The following ZFHX3 variants were observed in gnomAD, a reference collection of about 807,000 sequenced individuals.
ZFHX3 encodes zinc finger homeobox 3, also known as zinc finger homeobox protein 3.
ZFHX3 carries 42 observed loss-of-function variants against 279.1 expected under a neutral mutation model. The ratio of observed to expected loss-of-function variants is 0.15; its 90% CI spans 0.12 to 0.19. The LOEUF is 0.19. Among genes scored for constraint, ZFHX3 ranks in the 10% least tolerant of loss-of-function variants. The pLI is 1.00. For missense variants in ZFHX3, 4,981 were observed against 4,754.0 expected (o/e 1.05, Z -1.40); for synonymous variants, 2,293 against 1,957.8 (o/e 1.17, Z -4.52).
chr16:73,269,065 T>C (rs2014067752), intron 4 of ZFHX3, among the ~76,000 whole-genome samples: 1 of 152,258 alleles, frequency 6.6e-6, no homozygotes. Flanking sequence ...TTTAGCCTCA[T>C]CATCTAACCT....
chr16:73,342,296 G>A (rs1375961459), intron 3 of ZFHX3, among the ~76,000 whole-genome samples: 1 of 152,156 alleles, frequency 6.6e-6, no homozygotes, highest in Non-Finnish European at 1.5e-5. Flanking sequence ...TAGTGACCCA[G>A]GAATGTCACG....
Position 73,277,407 on chromosome 16 carries a change from C to T in ZFHX3, c.-1193-20271G>A, listed in dbSNP as rs140112767. 1.2e-3 allele frequency among the ~76,000 whole-genome samples: 178 copies of T among 152,296 alleles called. No individual in the cohort carries two copies. The Middle Eastern group carries it at 0.017, about 15-fold the overall frequency. ...CAGGGCCAGGCTCCCTGGATTTTAG[C>T]TCTAGGTGTCCTCCCATTTTTCTTT... is the stretch of plus-strand genomic sequence containing the variant. On this transcript the variant is annotated intron_variant, in intron 4 of 17. Coordinates refer to the ZFHX3 transcript ENST00000641206.
intron 5 of ZFHX3, among the ~76,000 whole-genome samples, chr16:73,164,937 G>A (rs1396500405): frequency 2.0e-5 from 3 of 152,158 alleles, no homozygotes; most frequent in Non-Finnish European, 4.4e-5. Flanking sequence ...GTCAAGATTC[G>A]AATCCAGGTC....
intron 5 of ZFHX3, among the ~76,000 whole-genome samples, chr16:73,156,107 C>A (rs376031463): frequency 9.3e-4 from 139 of 149,566 alleles, no homozygotes; most frequent in African/African-American, 3.0e-3. Context: ...TGGCGGATGC[C>A]TGTAGTCCCA....
intron 2 of ZFHX3, among the ~76,000 whole-genome samples, chr16:73,524,158 G>A (rs1328300534): frequency 6.6e-6 from 1 of 152,158 alleles, no homozygotes. Flanking sequence ...CCACCAGCCA[G>A]TCCAAGCCAT....
chr16:73,877,286 T>C (rs2029984344), intron 1 of ZFHX3, among the ~76,000 whole-genome samples: 1 of 151,788 alleles, frequency 6.6e-6, no homozygotes, highest in Non-Finnish European at 1.5e-5. Flanking sequence ...CTGCCACAAA[T>C]GAGGACAATC....
At chr16:72,965,834 G>A (rs1480583340) in intron 1 of ZFHX3, among the ~76,000 whole-genome samples, 1 of 152,152 alleles carries the variant, frequency 6.6e-6, no homozygotes. Context: ...TGCTGGAAAA[G>A]AATTTTAGGG....
At chr16:73,733,438 A>C (rs552608704) in intron 1 of ZFHX3, among the ~76,000 whole-genome samples, 1 of 152,334 alleles carries the variant, frequency 6.6e-6, no homozygotes, top group African/African-American at 2.4e-5. Context: ...TTTCAGTAAA[A>C]ACAGATGTTA....
At chr16:73,743,668 T>C (rs2053678596) in intron 1 of ZFHX3, among the ~76,000 whole-genome samples, 1 of 152,144 alleles carries the variant, frequency 6.6e-6, no homozygotes, top group Non-Finnish European at 1.5e-5. Context: ...CATATATATA[T>C]ACAAGAAAAA....
rs564208278 is a variant in ZFHX3, at chr16:73,731,238, G to T, written c.-1607-50998C>A. ...TCCTTAACTGTCAGTTTTAATAAGA[G>T]GAGTCAACATGCCTCTATTCAGGTT... On this transcript the variant is annotated intron_variant, in intron 1 of 17. Transcript: ENST00000641206. Among the ~76,000 whole-genome samples, 9 of 152,162 alleles carry T rather than the reference G, an allele frequency of 5.9e-5. No individual in the cohort carries two copies. In the East Asian group the frequency reaches 1.7e-3, roughly 29 times the overall value.
intron 2 of ZFHX3, among the ~76,000 whole-genome samples, chr16:73,583,419 T>C (rs539062965): frequency 6.6e-6 from 1 of 152,292 alleles, no homozygotes; most frequent in East Asian, 1.9e-4. Context: ...GAATAGGGCA[T>C]GCATTTCAAA....
At chr16:72,868,528 G>A (rs981639279) in intron 4 of ZFHX3, among the ~76,000 whole-genome samples, 1 of 152,198 alleles carries the variant, frequency 6.6e-6, no homozygotes, top group Admixed American at 6.5e-5. Flanking sequence ...GGAGAGATCA[G>A]GTGACTTTGC....
At chr16:73,054,180 T>C (rs1965502731) in intron 1 of ZFHX3, among the ~76,000 whole-genome samples, 1 of 152,194 alleles carries the variant, frequency 6.6e-6, no homozygotes, top group Non-Finnish European at 1.5e-5. Flanking sequence ...TTTCACTTAA[T>C]ACAAGGCCAG....
intron 2 of ZFHX3, among the ~76,000 whole-genome samples, chr16:73,675,900 C>G (rs1420950937): frequency 1.3e-5 from 2 of 151,852 alleles, no homozygotes; most frequent in African/African-American, 4.8e-5. Context: ...AAAATTAATA[C>G]AACAAAATTA....
intron 5 of ZFHX3, among the ~76,000 whole-genome samples, chr16:73,201,671 C>A (rs1351050008): frequency 2.0e-5 from 3 of 152,148 alleles, no homozygotes; most frequent in Admixed American, 2.0e-4. Context: ...GAGAAACGCT[C>A]TACTAGAGCA....
Position 72,794,190 on chromosome 16 carries a change from T to C in ZFHX3, c.8492A>G (p.Asp2831Gly). The change falls in exon 9 of 10, where the codon GAC becomes GGC. Residue 2831 changes from aspartate to glycine, a missense_variant. Coordinates refer to ENST00000268489, the MANE Select transcript of ZFHX3 (RefSeq NM_006885.4). The surrounding 1 kb of genome is among the most constrained non-coding windows in gnomAD (Gnocchi z 4.2). ...GTTGACAGAGGAACAGTCATCGTTG[T>C]CCAGCTTAGTTTGGTCAAAGTTTAG... is the stretch of plus-strand genomic sequence containing the variant. ...VNLNFDQTKLDNDDCSSVNTA... is the reference protein window; with the variant it reads ...VNLNFDQTKLGNDDCSSVNTA... The C allele has an allele frequency of 6.2e-7, 1 of 1,614,218 alleles. No homozygotes were observed. Among genetic ancestry groups the C allele is most frequent in the African/African-American group, 1.3e-5 (1 of 75,046 alleles).
At chr16:73,870,953 C>T (rs953349424) in intron 1 of ZFHX3, among the ~76,000 whole-genome samples, 43 of 152,146 alleles carry the variant, frequency 2.8e-4, no homozygotes, top group African/African-American at 9.7e-4. Flanking sequence ...TTTGCATTGA[C>T]TCAACAATTC....
At chr16:73,616,916 G>A (rs1428931948) in intron 2 of ZFHX3, among the ~76,000 whole-genome samples, 2 of 152,160 alleles carry the variant, frequency 1.3e-5, no homozygotes, top group African/African-American at 2.4e-5. Flanking sequence ...TTCCACATGC[G>A]ATTCAGAGAG....
intron 1 of ZFHX3, among the ~76,000 whole-genome samples, chr16:73,842,381 A>AC (rs1490377000): frequency 1.3e-5 from 2 of 151,698 alleles, no homozygotes; most frequent in African/African-American, 2.4e-5. Context: ...GGAAGGAATT[A>AC]CCCCCCAGCC....
Sources: gnomAD v4.1 joint callset for allele counts (sites outside exome capture counted in the v4.1 genomes callset) on GRCh38, gnomAD v4.1.1 for gene constraint, Gnocchi (gnomAD v3.1) non-coding constraint, MANE v1.5 for transcripts, NCBI Gene and HGNC (gene_info 2026-07-23, HGNC 2026-07-21) for gene names.